MARK4: variants seen among roughly 807,000 people sequenced by gnomAD.
The protein encoded by MARK4 is microtubule affinity regulating kinase 4.
Under a neutral mutation model 81.5 loss-of-function variants are expected in MARK4, and 19 were observed. The ratio of observed to expected loss-of-function variants is 0.23; its 90% confidence interval spans 0.16 to 0.34. The LOEUF is 0.34. MARK4 is among the 10% of genes least tolerant of loss of function. The probability of loss-of-function intolerance (pLI) is 1.00; values close to 1 mark genes in which losing one functional copy is unlikely to be tolerated. For synonymous variants in MARK4, 436 were observed against 439.0 expected, an observed-to-expected ratio of 0.99 and a Z score of 0.08; for missense variants, 772 against 1,058.8, an observed-to-expected ratio of 0.73 and a Z score of 3.76.
intron 8 of MARK4, 95 bp from the exon 9 acceptor site, chr19:45,277,821 GGTTGTGT>G (rs1219268278): frequency 1.7e-5 from 22 of 1,288,396 alleles, no homozygotes; most frequent in Admixed American, 1.6e-4. Context: ...TTGGGACAAA[GGTTGTGT>G]GTGTGTGTGT....
chr19:45,283,678 A>G (rs775212714), intron 12 of MARK4, among the ~76,000 whole-genome samples: 5 of 152,166 alleles, frequency 3.3e-5, no homozygotes, highest in South Asian at 2.1e-4. Flanking sequence ...TTATCCATTC[A>G]TGAACACGTG....
At chr19:45,254,308 C>T (rs1162263351) in intron 1 of MARK4, among the ~76,000 whole-genome samples, 2 of 152,204 alleles carry the variant, frequency 1.3e-5, no homozygotes, top group South Asian at 2.1e-4. Flanking sequence ...AGCTGCCCCT[C>T]GCAGGGGTCC....
chr19:45,267,906 C>T (rs1311187352), intron 7 of MARK4, among the ~76,000 whole-genome samples: 5 of 152,262 alleles, frequency 3.3e-5, no homozygotes, highest in East Asian at 3.9e-4. Context: ...AGAGATTCTC[C>T]TGCCTCAGCC....
intron 9 of MARK4, 78 bp downstream of exon 9, chr19:45,278,120 A>G: frequency 6.4e-7 from 1 of 1,574,712 alleles, no homozygotes; most frequent in Non-Finnish European, 8.6e-7. Context: ...CCACCCACAA[A>G]AGCCTTCTTG....
rs781523807 is a variant in MARK4, at chr19:45,280,727, C to T, written c.1269C>T (p.Ser423=). The T allele has an allele frequency of 1.6e-5, 26 of 1,614,054 alleles. No homozygotes were observed. In the Admixed American group the frequency reaches 2.2e-4, roughly 13 times the overall value. The change falls in exon 12 of 17, where the codon AGC becomes AGT. Residue 423 remains serine, a synonymous_variant. Coordinates refer to ENST00000262891, the MANE Select transcript of MARK4 (RefSeq NM_001199867.2). ...CCTACCACCGCCAGCGCAGGCATAG[C>T]GATTTCTGTGAGTATCAACCCCACG... ...SSTYHRQRRH[S]DFCGPSPAPL...
At chr19:45,259,824 C>T (rs1000189526) in intron 2 of MARK4, among the ~76,000 whole-genome samples, 4 of 151,584 alleles carry the variant, frequency 2.6e-5, no homozygotes, top group African/African-American at 4.9e-5. Flanking sequence ...TGGTGGCTTA[C>T]GCCTGTAATC....
At chr19:45,283,084 T>G (rs146652988) in intron 12 of MARK4, among the ~76,000 whole-genome samples, 4 of 152,148 alleles carry the variant, frequency 2.6e-5, no homozygotes, top group African/African-American at 9.6e-5. Context: ...AACATTTTCA[T>G]TACCCCAAAA....
At chr19:45,298,305 G>T in intron 15 of MARK4, 1 of 1,442,708 alleles carries the variant, frequency 6.9e-7, no homozygotes. Context: ...ATTGGGAGGG[G>T]GCTCTGTGGA....
chr19:45,264,112 A>C (rs1970417727), intron 4 of MARK4, among the ~76,000 whole-genome samples: 2 of 152,126 alleles, frequency 1.3e-5, no homozygotes, highest in African/African-American at 4.8e-5. Context: ...TTATTGATTG[A>C]GTGGCCGCTA....
intron 13 of MARK4, among the ~76,000 whole-genome samples, chr19:45,290,275 A>T (rs1568501718): frequency 6.6e-6 from 1 of 152,266 alleles, no homozygotes; most frequent in African/African-American, 2.4e-5. Flanking sequence ...TTTGCGAGGT[A>T]GGGGTGTTTC....
At chr19:45,283,470 T>C (rs1381306156) in intron 12 of MARK4, among the ~76,000 whole-genome samples, 1 of 148,614 alleles carries the variant, frequency 6.7e-6, no homozygotes, top group African/African-American at 2.5e-5. Context: ...CCTCAGCTAC[T>C]AATCTACTTT....
chr19:45,280,183 T>C (rs901324891), intron 10 of MARK4, 191 bp from the exon 11 acceptor site: 8 of 561,836 alleles, frequency 1.4e-5, no homozygotes, highest in Non-Finnish European at 2.5e-5. Flanking sequence ...ACCCTGTCTC[T>C]ACTGAAAATA....
intron 1 of MARK4, among the ~76,000 whole-genome samples, chr19:45,256,417 A>G (rs1265406622): frequency 1.3e-5 from 2 of 152,238 alleles, no homozygotes; most frequent in Non-Finnish European, 2.9e-5. Flanking sequence ...AGCTTGGGCA[A>G]CAAGAGTGAA....
chr19:45,252,131 C>T (rs1158831323), intron 1 of MARK4, among the ~76,000 whole-genome samples: 1 of 152,028 alleles, frequency 6.6e-6, no homozygotes, highest in African/African-American at 2.4e-5. Context: ...AGCCCCCCTC[C>T]TCTTATTCCC....
chr19:45,276,331 G>T (rs1390998488), intron 8 of MARK4, among the ~76,000 whole-genome samples: 3 of 152,032 alleles, frequency 2.0e-5, no homozygotes, highest in African/African-American at 7.2e-5. Context: ...CTGGCCTATT[G>T]CGGTTTTTTA....
At chr19:45,276,170 G>C (rs567976322) in intron 8 of MARK4, among the ~76,000 whole-genome samples, 53 of 152,270 alleles carry the variant, frequency 3.5e-4, no homozygotes, top group African/African-American at 1.1e-3. Context: ...GGGACCACAG[G>C]CATGTGCCAC....
intron 8 of MARK4, among the ~76,000 whole-genome samples, chr19:45,276,022 G>GT (rs1274861909): frequency 5.9e-5 from 9 of 151,630 alleles, no homozygotes; most frequent in South Asian, 2.1e-4. Context: ...GCCTCCCTTC[G>GT]TTTTTTTTGT....
intron 2 of MARK4, among the ~76,000 whole-genome samples, chr19:45,261,001 T>A (rs1353362705): frequency 1.3e-5 from 2 of 152,104 alleles, no homozygotes; most frequent in Non-Finnish European, 2.9e-5. Context: ...GGTGGGTGAT[T>A]TCATGATTTC....
rs1224304873 is a variant in MARK4 at position 45,302,753 on chromosome 19, G to A, written c.*43G>A. Reference sequence around the variant, plus strand: ...GCCCTTACTCTTCCTCTCCCTTGTCGCCTTCACTTCTACAGGAGGGGAAGG... The same window carrying A: ...GCCCTTACTCTTCCTCTCCCTTGTCACCTTCACTTCTACAGGAGGGGAAGG... On this transcript the variant is annotated 3_prime_UTR_variant, in exon 17 of 17. Transcript: ENST00000262891. This position sits in a 1 kb window ranked among gnomAD's most constrained non-coding sequence, Gnocchi z 4.9. 1.0e-5 allele frequency: 16 copies of A among 1,533,372 alleles called. No homozygotes were observed. The South Asian group carries it at 1.2e-4, about 11-fold the overall frequency. The allele number at this position is 1,533,372 out of a possible 1,614,324, so 95.0% of individuals were successfully genotyped here.
Sources: gnomAD v4.1 joint callset for allele counts (sites outside exome capture counted in the v4.1 genomes callset) on GRCh38, gnomAD v4.1.1 for gene constraint, Gnocchi (gnomAD v3.1) non-coding constraint, MANE v1.5 for transcripts, NCBI Gene and HGNC (gene_info 2026-07-23, HGNC 2026-07-21) for gene names.